The following ATM variants were observed in gnomAD, a reference collection of about 807,000 sequenced individuals.
The protein encoded by ATM is ATM serine/threonine kinase.
In ATM, 308 loss-of-function variants were observed where a neutral mutation model predicts 387.0. The ratio of observed to expected loss-of-function variants is 0.80; its 90% CI spans 0.73 to 0.87. The LOEUF (loss-of-function observed/expected upper bound fraction) is 0.87. Among genes scored for constraint, ATM ranks in the 40% least tolerant of loss-of-function variants. The probability of loss-of-function intolerance (pLI) is 0.00; values close to 1 mark genes in which losing one functional copy is unlikely to be tolerated. For missense variants in ATM, 3,312 were observed against 3,560.9 expected (o/e 0.93, Z 1.78); for synonymous variants, 1,156 against 1,187.3 (o/e 0.97, Z 0.54).
intron 56 of ATM, among the ~76,000 whole-genome samples, chr11:108,340,661 A>G (rs1251584800): frequency 6.6e-6 from 1 of 152,146 alleles, no homozygotes; most frequent in Admixed American, 6.6e-5. Flanking sequence ...TTTATTAATA[A>G]CTGTTAGAGT....
rs576582617 is a variant in ATM, at chr11:108,226,668, G to A, written c.-30-927G>A. On this transcript the variant is annotated intron_variant, in intron 1 of 62. Transcript: ENST00000675843. ...GCTCCAAAGCATGTTTTAAGCCTTT[G>A]GCTCAGCAAAATGACATGTCTCTCC... The A allele has an allele frequency of 6.6e-5, 10 of 152,076 alleles. No individual in the cohort carries two copies. In the East Asian group the frequency reaches 1.9e-3, roughly 29 times the overall value. 9.4% of individuals were successfully genotyped at this position (152,076 alleles called of 1,614,324 possible). A position where few individuals can be genotyped will look rare whatever the true frequency, so the allele number is the denominator to read the frequency against.
intron 60 of ATM, 110 bp downstream of exon 60, chr11:108,353,990 A>T (rs2089547402): frequency 9.4e-7 from 1 of 1,065,764 alleles, no homozygotes; most frequent in Non-Finnish European, 1.4e-6. Flanking sequence ...CTGAAGTGGG[A>T]GGATTGTTTG....
At chr11:108,339,208 C>A (rs1262598772) in intron 56 of ATM, among the ~76,000 whole-genome samples, 3 of 152,130 alleles carry the variant, frequency 2.0e-5, no homozygotes, top group Non-Finnish European at 4.4e-5. Context: ...TGCATTGTTA[C>A]AAAGTATACT....
rs756899044 is a variant in ATM, at chr11:108,353,831, G to C, written c.8737G>C (p.Asp2913His). The change falls in exon 60 of 63, where the codon GAT becomes CAT. Residue 2913 changes from aspartate to histidine, a missense_variant. Transcript: ENST00000675843. ...PETVPFRLTR[D>H]IVDGMGITGV... The stretch of plus-strand genomic sequence containing the variant: ...GACAGTTCCTTTTAGACTCACCAGA[G>C]ATATTGTGGATGGCATGGGCATTAC... 6 of 1,614,094 alleles carry C rather than the reference G, an allele frequency of 3.7e-6. No individual in the cohort carries two copies. The highest frequency in any genetic ancestry group is 5.1e-6 in the Non-Finnish European group (6 of 1,180,000).
chr11:108,316,079 TCC>T lies in ATM; in HGVS notation c.6167_6168del (p.Pro2056LeufsTer31). On this transcript the variant is annotated frameshift_variant, in exon 42 of 63. Coordinates refer to ENST00000675843, the MANE Select transcript of ATM (RefSeq NM_000051.4). LOFTEE classifies it high-confidence loss of function. Reference sequence around the variant, plus strand: ...GTAACATATGACCTCGAAACAGCAATCCCCTCATCAACACGCCAGGCAGGAAT... The same window carrying T: ...GTAACATATGACCTCGAAACAGCAATCCTCATCAACACGCCAGGCAGGAAT... 1 of 1,614,100 alleles carries T rather than the reference TCC, an allele frequency of 6.2e-7. No homozygotes were observed. The highest frequency in any genetic ancestry group is 8.5e-7 in the Non-Finnish European group (1 of 1,180,002).
chr11:108,333,606 C>T (rs1187618178), intron 53 of ATM, among the ~76,000 whole-genome samples: 4 of 152,110 alleles, frequency 2.6e-5, no homozygotes, highest in Non-Finnish European at 4.4e-5. Context: ...CAAACTATTA[C>T]GTAATTATTT....
chr11:108,362,987 A>T (rs1191697706), intron 61 of ATM, among the ~76,000 whole-genome samples: 1 of 152,132 alleles, frequency 6.6e-6, no homozygotes, highest in Non-Finnish European at 1.5e-5. Context: ...CAAAACAAAC[A>T]AACAAAAAAA....
intron 18 of ATM, among the ~76,000 whole-genome samples, chr11:108,269,932 C>A (rs142453779): frequency 6.4e-4 from 97 of 152,314 alleles, no homozygotes; most frequent in African/African-American, 2.2e-3. Context: ...ACATGCTTTT[C>A]TTGAAGTATT....
intron 61 of ATM, among the ~76,000 whole-genome samples, chr11:108,363,950 C>T (rs934652699): frequency 6.6e-6 from 1 of 152,140 alleles, no homozygotes; most frequent in African/African-American, 2.4e-5. Context: ...GTGGGTGAAA[C>T]TGGTTTGGAT....
At position 108,249,243 on chromosome 11, in the gene ATM, A is replaced by G. The variant is rs1393795781; in HGVS notation, c.1235+141A>G. The G allele has an allele frequency of 6.2e-6, 6 of 972,692 alleles. No individual in the cohort carries two copies. In the East Asian group the frequency reaches 1.5e-4, roughly 25 times the overall value. 60.3% of individuals were successfully genotyped at this position (972,692 alleles called of 1,614,324 possible). A position where few individuals can be genotyped will look rare whatever the true frequency, so the allele number is the denominator to read the frequency against. On this transcript the variant is annotated intron_variant, in intron 9 of 62. Transcript: ENST00000675843. ...CCAAACCTATTACTAGCAAAGGGAT[A>G]TGTGATTGCCATGACAAATGAGATC... is the stretch of plus-strand genomic sequence containing the variant.
intron 16 of ATM, among the ~76,000 whole-genome samples, chr11:108,264,323 C>T (rs2081085116): frequency 1.3e-5 from 2 of 152,108 alleles, no homozygotes; most frequent in African/African-American, 2.4e-5. Flanking sequence ...CAGGCTGGTT[C>T]AATGTACACA....
At position 108,251,869 on chromosome 11, in the gene ATM, C is replaced by T. The variant is rs786203572; in HGVS notation, c.1640C>T (p.Thr547Ile). Reference protein sequence around the residue: ...PAVCCLTLALTTSIVPGTVKM... With the variant: ...PAVCCLTLALITSIVPGTVKM... ...GTATGCTGTTTGACTTTGGCACTGA[C>T]CACCAGTATAGTTCCAGGAACGGTA... Residue 547 changes from threonine to isoleucine, a missense_variant, in exon 11 of 63, where the codon ACC becomes ATC. Coordinates refer to ENST00000675843, the MANE Select transcript of ATM (RefSeq NM_000051.4). 1.2e-6 allele frequency: 2 copies of T among 1,613,782 alleles called. No homozygotes were observed. The highest frequency in any genetic ancestry group is 2.2e-5 in the East Asian group (1 of 44,826).
intron 61 of ATM, chr11:108,355,339 T>A (rs2089768026): frequency 5.3e-6 from 1 of 189,340 alleles, no homozygotes; most frequent in Non-Finnish European, 1.1e-5. Flanking sequence ...CTGCTGGTGC[T>A]ACCTCAGTAC....
intron 45 of ATM, 58 bp from the exon 46 acceptor site, chr11:108,325,249 GTTT>G (rs11366542): frequency 0.013 from 7,492 of 557,380 alleles, no homozygotes; most frequent in East Asian, 0.019. Context: ...AACTTACATA[GTTT>G]TTTTTTTTTT....
chr11:108,298,581 C>T (rs1161796610), intron 33 of ATM, among the ~76,000 whole-genome samples: 1 of 152,152 alleles, frequency 6.6e-6, no homozygotes, highest in African/African-American at 2.4e-5. Context: ...TCCTGTGTAG[C>T]ATAAAATTAA....
intron 16 of ATM, 134 bp from the exon 17 acceptor site, chr11:108,267,037 C>A (rs1294551701): frequency 6.0e-6 from 5 of 829,298 alleles, no homozygotes; most frequent in Non-Finnish European, 9.9e-6. Context: ...CTCAGGTGAT[C>A]CACCTGGCTC....
chr11:108,257,338 A>G (rs2080561328), intron 14 of ATM, 143 bp from the exon 15 acceptor site: 1 of 1,022,868 alleles, frequency 9.8e-7, no homozygotes, highest in Non-Finnish European at 1.4e-6. Context: ...ACTACGTGGA[A>G]CTTCTAAAAA....
chr11:108,317,199 A>T (rs2084750752), intron 42 of ATM, among the ~76,000 whole-genome samples, 174 bp from the exon 43 acceptor site: 1 of 151,868 alleles, frequency 6.6e-6, no homozygotes, highest in South Asian at 2.1e-4. Context: ...TCAGCCTCCC[A>T]AAGTGCTGAG....
At position 108,345,819 on chromosome 11, in the gene ATM, G is replaced by C. The variant is rs529296539; in HGVS notation, c.8495G>C (p.Arg2832Pro). 1 of 1,613,728 alleles carries C rather than the reference G, an allele frequency of 6.2e-7. No individual in the cohort carries two copies. ...DVCQNFQPVF[R>P]YFCMEKFLDP... ...TGCCAAAATTTTCAACCAGTTTTCC[G>C]TTACTTCTGCATGGAAAAATTCTTG... The change falls in exon 58 of 63, where the codon CGT becomes CCT. Residue 2832 changes from arginine to proline, a missense_variant. Around this residue, in one of 4 missense-constraint regions of ATM, gnomAD observed 1,405 missense variants for 1,604.4 expected, o/e 0.88. Coordinates refer to ENST00000675843, the MANE Select transcript of ATM (RefSeq NM_000051.4).
Sources: gnomAD v4.1 joint callset for allele counts (sites outside exome capture counted in the v4.1 genomes callset) on GRCh38, gnomAD v4.1.1 for gene constraint, gnomAD v4.1.1 regional missense constraint, MANE v1.5 for transcripts, NCBI Gene and HGNC (gene_info 2026-07-23, HGNC 2026-07-21) for gene names.